ZUP1: variants seen among roughly 807,000 people sequenced by gnomAD.
The protein encoded by ZUP1 is zinc finger-containing ubiquitin peptidase 1.
A neutral mutation model predicts 68.1 loss-of-function variants in ZUP1; 55 were observed. The ratio of observed to expected loss-of-function variants is 0.81; its 90% CI spans 0.65 to 1.01. The LOEUF (loss-of-function observed/expected upper bound fraction) is 1.01. ZUP1 is among the 50% of genes least tolerant of loss of function. The pLI, the probability that ZUP1 is intolerant of heterozygous loss-of-function variation, is 0.00. For synonymous variants in ZUP1, 223 were observed against 221.5 expected (o/e 1.01, Z -0.06); for missense variants, 684 against 674.9 (o/e 1.01, Z -0.15).
chr6:116,654,216 C>A (rs1776597476), intron 5 of ZUP1, among the ~76,000 whole-genome samples: 1 of 151,442 alleles, frequency 6.6e-6, no homozygotes, highest in Admixed American at 6.6e-5. Context: ...CATGGAGACC[C>A]CTGAAGAAAT....
At chr6:116,663,584 T>C (rs1776908051) in intron 2 of ZUP1, among the ~76,000 whole-genome samples, 1 of 152,164 alleles carries the variant, frequency 6.6e-6, no homozygotes, top group Non-Finnish European at 1.5e-5. Context: ...TAAATTTTCA[T>C]TATTAGCAGA....
At chr6:116,654,717 A>C (rs937872035) in intron 5 of ZUP1, among the ~76,000 whole-genome samples, 3 of 152,034 alleles carry the variant, frequency 2.0e-5, no homozygotes, top group Non-Finnish European at 2.9e-5. Flanking sequence ...GTCTCCTATA[A>C]ATCAGTAAGA....
chr6:116,656,872 AT>A lies in ZUP1; in HGVS notation c.793-21del. 1 of 1,528,440 alleles carries A rather than the reference AT, an allele frequency of 6.5e-7. No individual in the cohort carries two copies. Among genetic ancestry groups the A allele is most frequent in the Non-Finnish European group, 8.8e-7 (1 of 1,131,648 alleles). 94.7% of individuals were successfully genotyped at this position (1,528,440 alleles called of 1,614,324 possible). Reference sequence around the variant, plus strand: ...TTGTCTCTATTGAACATAAAAATAAATGACTTAATTTTTACATCCCTGTAAC... The same window carrying A: ...TTGTCTCTATTGAACATAAAAATAAAGACTTAATTTTTACATCCCTGTAAC... On this transcript the variant is annotated intron_variant, in intron 4 of 9. Coordinates refer to ENST00000368576, the MANE Select transcript of ZUP1 (RefSeq NM_145062.3).
intron 2 of ZUP1, among the ~76,000 whole-genome samples, chr6:116,665,842 C>T (rs1470082565): frequency 1.3e-5 from 2 of 150,594 alleles, no homozygotes; most frequent in Non-Finnish European, 3.0e-5. Flanking sequence ...CTGCCCACCT[C>T]GGACTCTCAA....
intron 2 of ZUP1, 45 bp from the exon 3 acceptor site, chr6:116,660,891 A>G (rs13197080): frequency 5.9e-6 from 7 of 1,184,836 alleles, no homozygotes; most frequent in Non-Finnish European, 8.2e-6. Context: ...TTTTATTTTA[A>G]TTTTTTTCTT....
At chr6:116,641,734 G>C (rs1562399349) in intron 9 of ZUP1, among the ~76,000 whole-genome samples, 1 of 152,058 alleles carries the variant, frequency 6.6e-6, no homozygotes, top group Non-Finnish European at 1.5e-5. Flanking sequence ...ACAAGAGAAA[G>C]CAGAAAAGAT....
At position 116,645,894 on chromosome 6, in the gene ZUP1, G is replaced by T. The variant is rs141299898; in HGVS notation, c.1509C>A (p.Asn503Lys). 1.5e-4 allele frequency: 241 copies of T among 1,612,864 alleles called. No homozygotes were observed. Among genetic ancestry groups the T allele is most frequent in the African/African-American group, 1.1e-3 (82 of 74,818 alleles). The change falls in exon 9 of 10, where the codon AAC becomes AAA. Residue 503 changes from asparagine to lysine, a missense_variant. Physicochemically the swap from Asn to Lys is moderately conservative, Grantham distance 94. Transcript: ENST00000368576. The part of the protein sequence containing the change: ...RTVIGIEEKK[N>K]RTLCLLILDP... Reference sequence around the variant, plus strand: ...CAAGTATTAGTAAGCATAATGTTCGGTTTTTTTTCTCTTCAATTCCAATAA... The same window carrying T: ...CAAGTATTAGTAAGCATAATGTTCGTTTTTTTTTCTCTTCAATTCCAATAA...
intron 9 of ZUP1, among the ~76,000 whole-genome samples, chr6:116,643,609 T>C (rs1185628402): frequency 1.3e-5 from 2 of 152,290 alleles, no homozygotes; most frequent in South Asian, 2.1e-4. Flanking sequence ...ATTTAATAAA[T>C]GGTGCTGGGA....
At chr6:116,640,080 G>A (rs992008443) in intron 9 of ZUP1, among the ~76,000 whole-genome samples, 2 of 152,218 alleles carry the variant, frequency 1.3e-5, no homozygotes, top group African/African-American at 4.8e-5. Flanking sequence ...CTGGAAGAAA[G>A]GGTATCAGCG....
intron 9 of ZUP1, among the ~76,000 whole-genome samples, chr6:116,638,973 C>T (rs1033248127): frequency 1.3e-5 from 2 of 152,190 alleles, no homozygotes; most frequent in African/African-American, 4.8e-5. Context: ...AACATCGGGC[C>T]ACTCCCACCC....
intron 7 of ZUP1, among the ~76,000 whole-genome samples, 153 bp downstream of exon 7, chr6:116,651,419 C>A (rs1238827601): frequency 6.6e-6 from 1 of 152,112 alleles, no homozygotes; most frequent in Admixed American, 6.5e-5. Flanking sequence ...GAGAAGAGCA[C>A]AAGATAGTGA....
chr6:116,652,092 G>T lies in ZUP1; in HGVS notation c.1062C>A (p.Gly354=). 6.2e-7 allele frequency: 1 copy of T among 1,613,848 alleles called. No individual in the cohort carries two copies. The highest frequency in any genetic ancestry group is 8.5e-7 in the Non-Finnish European group (1 of 1,179,874). Reference sequence around the variant, plus strand: ...TGTAACCACAACCCCAACCTTTGTCGCCTAAAGATGAATGAAAGTGATCCA... The same window carrying T: ...TGTAACCACAACCCCAACCTTTGTCTCCTAAAGATGAATGAAAGTGATCCA... The part of the protein sequence containing the change: ...SVVDHFHSSL[G]DKGWGCGYRN... Residue 354 remains glycine (G), a synonymous_variant, in exon 6 of 10, where the codon GGC becomes GGA. Coordinates refer to ENST00000368576, the MANE Select transcript of ZUP1 (RefSeq NM_145062.3).
At chr6:116,665,008 A>C (rs1776957187) in intron 2 of ZUP1, among the ~76,000 whole-genome samples, 1 of 152,162 alleles carries the variant, frequency 6.6e-6, no homozygotes, top group Non-Finnish European at 1.5e-5. Context: ...TTTTTTAGAC[A>C]ATACATAGAA....
Position 116,647,483 on chromosome 6 carries a change from GT to G in ZUP1, c.1443del (p.Lys481AsnfsTer29). 1.3e-6 allele frequency: 2 copies of G among 1,579,842 alleles called. No individual in the cohort carries two copies. The highest frequency in any genetic ancestry group is 1.2e-5 in the South Asian group (1 of 85,282). ...EGSPKVVCTS[K>X]PPIYLQHQGH... ...CCTTGATGCTGAAGATAGATAGGAG[GT>G]TTAGATGTACACACTACCTTTGGAC... On this transcript the variant is annotated frameshift_variant, in exon 8 of 10. Transcript: ENST00000368576. LOFTEE classifies it high-confidence loss of function.
At chr6:116,642,007 A>C (rs1272469808) in intron 9 of ZUP1, among the ~76,000 whole-genome samples, 3 of 152,196 alleles carry the variant, frequency 2.0e-5, no homozygotes, top group African/African-American at 7.2e-5. Flanking sequence ...AGGGGATATC[A>C]CCACCGATCC....
chr6:116,664,833 A>G (rs1340955072), intron 2 of ZUP1, among the ~76,000 whole-genome samples: 1 of 152,032 alleles, frequency 6.6e-6, no homozygotes, highest in Non-Finnish European at 1.5e-5. Flanking sequence ...GAAAAACTAA[A>G]AATTAGATCC....
chr6:116,652,919 G>A (rs540790268), intron 5 of ZUP1, among the ~76,000 whole-genome samples: 93 of 152,166 alleles, frequency 6.1e-4, no homozygotes, highest in Admixed American at 7.9e-4. Flanking sequence ...TCTTCTTGCT[G>A]TAATTTTGGC....
At chr6:116,639,523 G>A (rs911486305) in intron 9 of ZUP1, among the ~76,000 whole-genome samples, 8 of 152,150 alleles carry the variant, frequency 5.3e-5, no homozygotes, top group Non-Finnish European at 8.8e-5. Flanking sequence ...AGCAGCATTC[G>A]CGGTTCACGA....
intron 9 of ZUP1, among the ~76,000 whole-genome samples, chr6:116,636,909 A>G (rs975863840): frequency 6.6e-6 from 1 of 152,176 alleles, no homozygotes; most frequent in South Asian, 2.1e-4. Context: ...TTGTCCTTTA[A>G]ATAAAGCTGC....
Sources: allele counts gnomAD v4.1 joint callset (sites outside exome capture counted in the v4.1 genomes callset), GRCh38; gene constraint gnomAD v4.1.1; transcripts MANE v1.5; gene names NCBI Gene and HGNC (gene_info 2026-07-23, HGNC 2026-07-21).